Variants in AR observed in about 807,000 individuals in gnomAD.
The protein encoded by AR is androgen receptor.
Under a neutral mutation model 53.9 loss-of-function variants are expected in AR, and 8 were observed. The observed-to-expected ratio is 0.15, with a 90% CI of 0.09 to 0.27. AR has a LOEUF of 0.27. AR is among the 10% of genes least tolerant of loss of function. The pLI is 1.00. For missense variants in AR, 639 were observed against 742.5 expected (o/e 0.86, Z 1.62); for synonymous variants, 359 against 316.4 (o/e 1.13, Z -1.43).
At chrX:67,707,488 C>G (rs957592886) in intron 3 of AR, among the ~76,000 whole-genome samples, 25 of 111,353 alleles carry the variant, frequency 2.2e-4, no homozygotes, top group Non-Finnish European at 4.5e-4. Flanking sequence ...TTTCCATTTG[C>G]TTGGTAGATC....
At chrX:67,628,299 C>A (rs1394273176) in intron 1 of AR, among the ~76,000 whole-genome samples, 3 of 99,983 alleles carry the variant, frequency 3.0e-5, no homozygotes, top group Non-Finnish European at 6.2e-5. Flanking sequence ...TGTTTGTATC[C>A]TCTTTTATTT....
chrX:67,673,332 G>A (rs2075877690), intron 2 of AR, among the ~76,000 whole-genome samples: 1 of 102,771 alleles, frequency 9.7e-6, no homozygotes, highest in African/African-American at 3.4e-5. Context: ...TTATCCCTTT[G>A]AATAAACTTT....
intron 1 of AR, among the ~76,000 whole-genome samples, chrX:67,586,384 T>C (rs1922548740): frequency 8.9e-6 from 1 of 111,984 alleles, no homozygotes; most frequent in African/African-American, 3.2e-5. Flanking sequence ...CTCCTTTCCT[T>C]TTTTCACCTG....
Position 67,727,305 on chromosome X carries a change from A to G in AR, c.*3464A>G, listed in dbSNP as rs1437067143. ...ATCTGTAATACATATATTTTTATGTATGTTCACTGGCACTAAAAAATATAG... is the reference window on the plus strand; with the variant it reads ...ATCTGTAATACATATATTTTTATGTGTGTTCACTGGCACTAAAAAATATAG... On this transcript the variant is annotated 3_prime_UTR_variant, in exon 8 of 8. Transcript: ENST00000374690. 5.9e-6 allele frequency: 1 copy of G among 170,065 alleles called. No individual in the cohort carries two copies. 14.0% of individuals were successfully genotyped at this position (170,065 alleles called of 1,213,427 possible).
At chrX:67,626,253 T>A (rs1924630283) in intron 1 of AR, among the ~76,000 whole-genome samples, 1 of 109,726 alleles carries the variant, frequency 9.1e-6, no homozygotes, top group Non-Finnish European at 1.9e-5. Context: ...AACCATGATT[T>A]CCTCTTATCT....
intron 1 of AR, among the ~76,000 whole-genome samples, chrX:67,605,562 G>A (rs1373327977): frequency 1.8e-5 from 2 of 112,091 alleles, no homozygotes; most frequent in Non-Finnish European, 3.8e-5. Flanking sequence ...TGGCATGCAC[G>A]TGTGTGTTCA....
intron 6 of AR, among the ~76,000 whole-genome samples, chrX:67,722,571 G>A (rs1437315625): frequency 1.8e-5 from 2 of 111,832 alleles, no homozygotes; most frequent in Non-Finnish European, 3.8e-5. Flanking sequence ...GAGTATCTGA[G>A]AAGAGTAGAA....
rs751260108 is a variant in AR, at chrX:67,546,298, C to T, written c.1152C>T (p.His384=). 2 of 1,201,185 alleles carry T rather than the reference C, an allele frequency of 1.7e-6. No individual in the cohort carries two copies. Among genetic ancestry groups the T allele is most frequent in the South Asian group, 1.8e-5 (1 of 55,616 alleles). The change falls in exon 1 of 8, where the codon CAC becomes CAT. Residue 384 remains histidine (H), a synonymous_variant. Coordinates refer to ENST00000374690, the MANE Select transcript of AR (RefSeq NM_000044.6). ...CCCCTCCGCCGCCTCCCCATCCCCACGCTCGCATCAAGCTGGAGAACCCGC... is the reference window on the plus strand; with the variant it reads ...CCCCTCCGCCGCCTCCCCATCCCCATGCTCGCATCAAGCTGGAGAACCCGC... ...PPPPPPPPHP[H]ARIKLENPLD... is the part of the protein sequence containing the mutation.
intron 1 of AR, among the ~76,000 whole-genome samples, chrX:67,597,130 T>C (rs975239865): frequency 1.4e-4 from 16 of 112,127 alleles, no homozygotes; most frequent in Non-Finnish European, 2.4e-4. Context: ...AAACCTTTTT[T>C]TGCACTAGCC....
intron 1 of AR, among the ~76,000 whole-genome samples, chrX:67,609,794 G>A (rs1029665849): frequency 3.6e-5 from 4 of 111,397 alleles, no homozygotes; most frequent in Non-Finnish European, 1.9e-5. Context: ...CGTATTCTCC[G>A]AAATGTTGGA....
intron 1 of AR, among the ~76,000 whole-genome samples, chrX:67,586,099 G>T (rs777258981): frequency 1.3e-3 from 146 of 111,454 alleles, no homozygotes; most frequent in African/African-American, 4.5e-3. Context: ...TCAAAATAAT[G>T]AATTACTCAG....
At chrX:67,648,498 A>G (rs1258244674) in intron 2 of AR, among the ~76,000 whole-genome samples, 2 of 111,645 alleles carry the variant, frequency 1.8e-5, no homozygotes, top group Non-Finnish European at 3.8e-5. Flanking sequence ...TGGATCTGCC[A>G]TATATTACCT....
Position 67,703,647 on chromosome X carries a change from T to A in AR, c.1886-7755T>A, listed in dbSNP as rs191843679. ...ATATGTATGTTACAGTGCATTTTTT[T>A]AAATATTTTTTATTATACTTTAAGT... On this transcript the variant is annotated intron_variant, in intron 3 of 7. Transcript: ENST00000374690. 1.9e-3 allele frequency among the ~76,000 whole-genome samples: 210 copies of A among 112,344 alleles called. 1 individual carries two copies. Among genetic ancestry groups the A allele is most frequent in the African/African-American group, 5.3e-3 (165 of 30,968 alleles).
chrX:67,658,339 A>G (rs1402384160), intron 2 of AR, among the ~76,000 whole-genome samples: 1 of 112,443 alleles, frequency 8.9e-6, no homozygotes, highest in African/African-American at 3.2e-5. Flanking sequence ...AAAGAACAGA[A>G]AGGGAAAAAG....
chrX:67,728,942 G>A lies in AR; in HGVS notation c.*5101G>A, dbSNP rs936848696. The A allele has an allele frequency of 5.8e-6, 1 of 173,851 alleles. No individual in the cohort carries two copies. The highest frequency in any genetic ancestry group is 1.1e-5 in the Non-Finnish European group (1 of 90,557). 14.3% of individuals were successfully genotyped at this position (173,851 alleles called of 1,213,427 possible). A position where few individuals can be genotyped will look rare whatever the true frequency, so the allele number is the denominator to read the frequency against. ...TTACCACAGGGAAGGCCCAAACTTGGGGCCAAAAGCCTACCCAAGTGATTG... is the reference window on the plus strand; with the variant it reads ...TTACCACAGGGAAGGCCCAAACTTGAGGCCAAAAGCCTACCCAAGTGATTG... On this transcript the variant is annotated 3_prime_UTR_variant, in exon 8 of 8. Transcript: ENST00000374690.
In AR at chrX:67,546,275, C is replaced by T. The variant is rs769033307; in HGVS notation, c.1129C>T (p.Pro377Ser). ...FPLALAGPPPPPPPPHPHARI... is the reference protein window; with the variant it reads ...FPLALAGPPPSPPPPHPHARI... ...ACTGGCTCTGGCCGGACCGCCGCCC[C>T]CTCCGCCGCCTCCCCATCCCCACGC... Residue 377 changes from proline to serine, a missense_variant, in exon 1 of 8, where the codon CCT becomes TCT. Pro to Ser is a moderately conservative substitution (Grantham distance 74). This residue lies in a region of AR where 423 missense variants were observed against 377.0 expected (regional missense o/e 1.12). Coordinates refer to ENST00000374690, the MANE Select transcript of AR (RefSeq NM_000044.6). 8.3e-7 allele frequency: 1 copy of T among 1,204,540 alleles called. No individual in the cohort carries two copies. Among genetic ancestry groups the T allele is most frequent in the Non-Finnish European group, 1.1e-6 (1 of 892,247 alleles).
chrX:67,577,332 C>A (rs189720386), intron 1 of AR, among the ~76,000 whole-genome samples: 4 of 111,272 alleles, frequency 3.6e-5, no homozygotes, highest in Admixed American at 2.9e-4. Flanking sequence ...GAATAATATT[C>A]CATTGTATTA....
At chrX:67,659,036 A>T (rs1281301749) in intron 2 of AR, among the ~76,000 whole-genome samples, 1 of 110,774 alleles carries the variant, frequency 9.0e-6, no homozygotes, top group Non-Finnish European at 1.9e-5. Flanking sequence ...TTTCTTTTTT[A>T]GGTAGAGACT....
chrX:67,678,866 G>C (rs2075916092), intron 2 of AR, among the ~76,000 whole-genome samples: 1 of 111,627 alleles, frequency 9.0e-6, no homozygotes, highest in Non-Finnish European at 1.9e-5. Flanking sequence ...GTGGTTACCA[G>C]GGACTGGGAG....
Sources: allele counts gnomAD v4.1 joint callset (sites outside exome capture counted in the v4.1 genomes callset), GRCh38; gene constraint gnomAD v4.1.1; regional missense constraint gnomAD v4.1.1; transcripts MANE v1.5; gene names NCBI Gene and HGNC (gene_info 2026-07-23, HGNC 2026-07-21).